The following GDA variants were observed in gnomAD, a reference collection of about 807,000 sequenced individuals.
GDA encodes the protein cytoplasmic PSD-95 interactor.
Under a neutral mutation model 59.6 loss-of-function variants are expected in GDA, and 18 were observed. The observed-to-expected ratio is 0.30, with a 90% confidence interval of 0.21 to 0.45. The LOEUF is 0.45. GDA is among the 20% of genes least tolerant of loss of function. GDA has a pLI of 1.00. For missense variants in GDA, 427 were observed against 552.3 expected (o/e 0.77, Z 2.27); for synonymous variants, 201 against 201.1 (o/e 1.00, Z 0.00).
chr9:72,248,692 A>G lies in GDA; in HGVS notation c.*350A>G. 3 of 1,024,886 alleles carry G rather than the reference A, an allele frequency of 2.9e-6. No homozygotes were observed. Among genetic ancestry groups the G allele is most frequent in the Non-Finnish European group, 3.5e-6 (3 of 853,598 alleles). The allele number at this position is 1,024,886 out of a possible 1,614,324, so 63.5% of individuals were successfully genotyped here. On this transcript the variant is annotated 3_prime_UTR_variant, in exon 14 of 14. Coordinates refer to ENST00000358399, the MANE Select transcript of GDA (RefSeq NM_004293.5). ...ATGTGGAAAGAAAAGATGTTCCTAAAAGGTTAGATATTTTGAGCTAATAAT... is the reference window on the plus strand; with the variant it reads ...ATGTGGAAAGAAAAGATGTTCCTAAGAGGTTAGATATTTTGAGCTAATAAT...
At chr9:72,243,107 A>G (rs1839805537) in intron 11 of GDA, among the ~76,000 whole-genome samples, 1 of 152,188 alleles carries the variant, frequency 6.6e-6, no homozygotes, top group Non-Finnish European at 1.5e-5. Flanking sequence ...ATTTTCCCAG[A>G]ACTGCCATGG....
At chr9:72,240,261 T>G (rs544677246) in intron 10 of GDA, among the ~76,000 whole-genome samples, 1 of 152,224 alleles carries the variant, frequency 6.6e-6, no homozygotes, top group Admixed American at 6.5e-5. Context: ...TTCTAAAAGC[T>G]CTTCATAAAA....
chr9:72,229,135 A>T (rs1219085644), intron 9 of GDA: 2 of 147,552 alleles, frequency 1.4e-5, no homozygotes, highest in African/African-American at 5.3e-5. Flanking sequence ...GGAGATCGAG[A>T]CCATCCCGGC....
At chr9:72,252,417 C>A (rs191296002), downstream of GDA, among the ~76,000 whole-genome samples, 4 of 152,184 alleles carry the variant, frequency 2.6e-5, no homozygotes, top group African/African-American at 9.6e-5. Flanking sequence ...AAATTAAGCT[C>A]GAATGTTCAG....
chr9:72,160,564 A>G (rs979297996), intron 1 of GDA, among the ~76,000 whole-genome samples: 1 of 152,182 alleles, frequency 6.6e-6, no homozygotes, highest in African/African-American at 2.4e-5. Context: ...GTCACAATTC[A>G]TTCCTTTTTA....
chr9:72,148,341 G>A (rs1449199326), upstream of GDA, among the ~76,000 whole-genome samples: 1 of 148,914 alleles, frequency 6.7e-6, no homozygotes, highest in Non-Finnish European at 1.5e-5. Context: ...GTGTGTGTGT[G>A]TGTGTGTGTG....
rs559104331 is a variant in GDA, at chr9:72,249,652, G to T, written c.*1310G>T. The stretch of plus-strand genomic sequence containing the variant: ...ACCTTATGATAAATCTTTAAGTATT[G>T]GTGTGAATGTTATTTAAATTCTATA... On this transcript the variant is annotated 3_prime_UTR_variant, in exon 14 of 14. Transcript: ENST00000358399. 6 of 629,816 alleles carry T rather than the reference G, an allele frequency of 9.5e-6. No homozygotes were observed. In the East Asian group the frequency reaches 8.4e-4, roughly 88 times the overall value. 39.0% of individuals were successfully genotyped at this position (629,816 alleles called of 1,614,324 possible).
At chr9:72,207,870 A>T (rs1392660192) in intron 3 of GDA, among the ~76,000 whole-genome samples, 2 of 151,896 alleles carry the variant, frequency 1.3e-5, no homozygotes, top group African/African-American at 2.4e-5. Context: ...CAACTTTGGG[A>T]GTCTGAGGGC....
intron 1 of GDA, among the ~76,000 whole-genome samples, chr9:72,163,257 A>G (rs1828874661): frequency 6.6e-6 from 1 of 152,214 alleles, no homozygotes; most frequent in Non-Finnish European, 1.5e-5. Context: ...TTGAAGTCAA[A>G]TAAAACATAG....
intron 4 of GDA, among the ~76,000 whole-genome samples, chr9:72,212,333 T>G (rs1415828931): frequency 2.0e-5 from 3 of 151,858 alleles, no homozygotes; most frequent in Non-Finnish European, 2.9e-5. Context: ...ATACAAAAAA[T>G]TAACCAAGCG....
intron 1 of GDA, among the ~76,000 whole-genome samples, chr9:72,141,435 A>G (rs984434984): frequency 1.3e-5 from 2 of 152,152 alleles, no homozygotes; most frequent in Admixed American, 6.6e-5. Flanking sequence ...TATTTAAATA[A>G]TATTGTGAGA....
At chr9:72,133,313 AT>A (rs1826103735) in intron 1 of GDA, among the ~76,000 whole-genome samples, 1 of 146,998 alleles carries the variant, frequency 6.8e-6, no homozygotes, top group African/African-American at 2.5e-5. Flanking sequence ...AAAAAAAATA[AT>A]AATAATAATA....
intron 1 of GDA, among the ~76,000 whole-genome samples, chr9:72,172,557 C>A (rs968754092): frequency 6.6e-6 from 1 of 152,106 alleles, no homozygotes; most frequent in Non-Finnish European, 1.5e-5. Flanking sequence ...ATCTTTAACT[C>A]CTCTGTAGTG....
chr9:72,224,277 AATC>A (rs1207972543), intron 7 of GDA, among the ~76,000 whole-genome samples: 1 of 152,214 alleles, frequency 6.6e-6, no homozygotes, highest in African/African-American at 2.4e-5. Context: ...AAATGACTCG[AATC>A]ATCAGATTGT....
At chr9:72,163,752 A>G (rs904261895) in intron 1 of GDA, among the ~76,000 whole-genome samples, 1 of 152,302 alleles carries the variant, frequency 6.6e-6, no homozygotes, top group Middle Eastern at 3.4e-3. Flanking sequence ...TGGGCCTCCC[A>G]AAGTGCTGGG....
chr9:72,225,079 T>C (rs1837383742), intron 7 of GDA, among the ~76,000 whole-genome samples: 3 of 152,096 alleles, frequency 2.0e-5, no homozygotes, highest in South Asian at 4.2e-4. Flanking sequence ...GTCAGGAGTT[T>C]GAGACCAGCC....
intron 1 of GDA, among the ~76,000 whole-genome samples, chr9:72,181,672 C>T (rs1170331302): frequency 2.0e-5 from 3 of 151,908 alleles, no homozygotes; most frequent in Admixed American, 1.3e-4. Context: ...CAGAGTCTTG[C>T]TCTGTCACCT....
intron 1 of GDA, among the ~76,000 whole-genome samples, chr9:72,126,504 A>G (rs148602995): frequency 6.6e-6 from 1 of 151,962 alleles, no homozygotes; most frequent in East Asian, 1.9e-4. Context: ...GGAACAAGAT[A>G]GGAATTATAG....
intron 1 of GDA, among the ~76,000 whole-genome samples, chr9:72,174,527 TG>T: frequency 6.6e-6 from 1 of 152,312 alleles, no homozygotes; most frequent in Admixed American, 6.5e-5. Context: ...CCAGGTAGCT[TG>T]GTTCTGGATT....
Sources: gnomAD v4.1 joint callset for allele counts (sites outside exome capture counted in the v4.1 genomes callset) on GRCh38, gnomAD v4.1.1 for gene constraint, MANE v1.5 for transcripts, NCBI Gene and HGNC (gene_info 2026-07-23, HGNC 2026-07-21) for gene names.